Variants in CLMN observed in about 807,000 individuals in gnomAD.
CLMN encodes calmin (calponin-like, transmembrane).
A neutral mutation model predicts 92.7 loss-of-function variants in CLMN; 57 were observed. That is an observed-to-expected ratio of 0.61 (90% CI 0.50 to 0.77). The LOEUF is 0.77. Ranked by LOEUF, CLMN falls within the 30% of genes least tolerant of loss-of-function variation. The pLI is 0.00. For missense variants in CLMN, 1,158 were observed against 1,237.5 expected, an observed-to-expected ratio of 0.94 and a Z score of 0.96; for synonymous variants, 466 against 470.6, an observed-to-expected ratio of 0.99 and a Z score of 0.13.
At chr14:95,275,015 C>T (rs556493155) in intron 1 of CLMN, among the ~76,000 whole-genome samples, 6 of 148,522 alleles carry the variant, frequency 4.0e-5, no homozygotes, top group Non-Finnish European at 8.9e-5. Context: ...ATTCCTTCAA[C>T]AAATATTTAC....
At chr14:95,234,908 C>G (rs1898002184) in intron 1 of CLMN, among the ~76,000 whole-genome samples, 1 of 152,166 alleles carries the variant, frequency 6.6e-6, no homozygotes, top group Non-Finnish European at 1.5e-5. Flanking sequence ...CTTTTTGTCT[C>G]TATGTCCACA....
chr14:95,206,473 T>G (rs74078630), intron 8 of CLMN, among the ~76,000 whole-genome samples: 3,003 of 152,288 alleles, frequency 0.02, 113 homozygotes, highest in African/African-American at 0.068. Flanking sequence ...TCTTTTCAAA[T>G]GCATATGGCA....
intron 6 of CLMN, 64 bp downstream of exon 6, chr14:95,213,155 C>T: frequency 6.5e-7 from 1 of 1,534,480 alleles, no homozygotes; most frequent in Non-Finnish European, 8.9e-7. Flanking sequence ...TACTAATTCT[C>T]CTTTCCTCTG....
chr14:95,279,425 G>T (rs917218623), intron 1 of CLMN, among the ~76,000 whole-genome samples: 3 of 152,166 alleles, frequency 2.0e-5, no homozygotes, highest in African/African-American at 7.2e-5. Context: ...TGGCTATGCT[G>T]GAAAGAGTTA....
intron 1 of CLMN, among the ~76,000 whole-genome samples, chr14:95,242,038 C>T (rs143371173): frequency 2.4e-4 from 36 of 152,082 alleles, no homozygotes; most frequent in Admixed American, 5.9e-4. Context: ...ATCATTGTTC[C>T]TGGGCAGAAA....
chr14:95,294,511 G>T lies in CLMN; in HGVS notation c.82+25200C>A, dbSNP rs1241877146. 6.6e-6 allele frequency among the ~76,000 whole-genome samples: 1 copy of T among 152,146 alleles called. No individual in the cohort carries two copies. Among genetic ancestry groups the T allele is most frequent in the African/African-American group, 2.4e-5 (1 of 41,432 alleles). The stretch of plus-strand genomic sequence containing the variant: ...ACAGAAAGGCCCTGGAGACAGACCT[G>T]CATCCACATTCCGGCTCCCCCTCCC... On this transcript the variant is annotated intron_variant, in intron 1 of 12. Coordinates refer to ENST00000298912, the MANE Select transcript of CLMN (RefSeq NM_024734.4). The surrounding 1 kb of genome is among the most constrained non-coding windows in gnomAD (Gnocchi z 4.2).
In CLMN at chr14:95,256,573, C is replaced by T. The variant is rs1899007458; in HGVS notation, c.83-26440G>A. Among the ~76,000 whole-genome samples, 1 of 152,206 alleles carries T rather than the reference C, an allele frequency of 6.6e-6. No homozygotes were observed. The highest frequency in any genetic ancestry group is 1.5e-5 in the Non-Finnish European group (1 of 68,040). Reference sequence around the variant, plus strand: ...ACTGCCACCAGCTTGCTGAGTGTGGCTCTGCACAACCGCCTCGTCAATACC... The same window carrying T: ...ACTGCCACCAGCTTGCTGAGTGTGGTTCTGCACAACCGCCTCGTCAATACC... On this transcript the variant is annotated intron_variant, in intron 1 of 12. Coordinates refer to ENST00000298912, the MANE Select transcript of CLMN (RefSeq NM_024734.4). This position sits in a 1 kb window ranked among gnomAD's most constrained non-coding sequence, Gnocchi z 4.9.
chr14:95,319,824 G>A lies in CLMN; in HGVS notation c.-32C>T, dbSNP rs1367975275. 2.3e-6 allele frequency: 3 copies of A among 1,297,772 alleles called. No homozygotes were observed. The highest frequency in any genetic ancestry group is 3.0e-6 in the Non-Finnish European group (3 of 1,009,170). The allele number at this position is 1,297,772 out of a possible 1,614,324, so 80.4% of individuals were successfully genotyped here. Reference sequence around the variant, plus strand: ...CGGGCGGGAGAGCCCGGGCCAGCGCGGCGCGGGCGGCGGGCGCGGAGAGCC... The same window carrying A: ...CGGGCGGGAGAGCCCGGGCCAGCGCAGCGCGGGCGGCGGGCGCGGAGAGCC... On this transcript the variant is annotated 5_prime_UTR_variant, in exon 1 of 13. Coordinates refer to ENST00000298912, the MANE Select transcript of CLMN (RefSeq NM_024734.4).
At position 95,319,842 on chromosome 14, in the gene CLMN, G is replaced by A. The variant is rs374167532; in HGVS notation, c.-50C>T. The A allele has an allele frequency of 1.1e-5, 13 of 1,156,570 alleles. No homozygotes were observed. The African/African-American group carries it at 2.0e-4, about 18-fold the overall frequency. The allele number at this position is 1,156,570 out of a possible 1,614,324, so 71.6% of individuals were successfully genotyped here. A position where few individuals can be genotyped will look rare whatever the true frequency, so the allele number is the denominator to read the frequency against. On this transcript the variant is annotated 5_prime_UTR_variant, in exon 1 of 13. Coordinates refer to ENST00000298912, the MANE Select transcript of CLMN (RefSeq NM_024734.4). ...CCAGCGCGGCGCGGGCGGCGGGCGC[G>A]GAGAGCCTGGCTGGCGGGCGCGCGA...
chr14:95,245,689 T>TG (rs1898530950), intron 1 of CLMN, among the ~76,000 whole-genome samples: 1 of 100,142 alleles, frequency 1.0e-5, no homozygotes, highest in Admixed American at 1.0e-4. Flanking sequence ...GGTGGGTGGG[T>TG]GGGTGGATGG....
chr14:95,294,679 A>G lies in CLMN; in HGVS notation c.82+25032T>C, dbSNP rs1900734502. On this transcript the variant is annotated intron_variant, in intron 1 of 12. Coordinates refer to ENST00000298912, the MANE Select transcript of CLMN (RefSeq NM_024734.4). This position sits in a 1 kb window ranked among gnomAD's most constrained non-coding sequence, Gnocchi z 4.2. ...GTCTCCTTTGCACACCCCTCCTCCT[A>G]CTTCATCTTCCTTTCTCTCCCTGCC... is the stretch of plus-strand genomic sequence containing the variant. 6.6e-6 allele frequency among the ~76,000 whole-genome samples: 1 copy of G among 151,964 alleles called. No individual in the cohort carries two copies. Among genetic ancestry groups the G allele is most frequent in the South Asian group, 2.1e-4 (1 of 4,812 alleles).
intron 1 of CLMN, among the ~76,000 whole-genome samples, chr14:95,314,758 G>T (rs549782547): frequency 5.3e-5 from 8 of 152,178 alleles, no homozygotes; most frequent in African/African-American, 1.7e-4. Flanking sequence ...ACGGCCTTTT[G>T]CCTGTTGTAA....
At chr14:95,253,936 C>T (rs1898893978) in intron 1 of CLMN, among the ~76,000 whole-genome samples, 2 of 152,152 alleles carry the variant, frequency 1.3e-5, no homozygotes, top group African/African-American at 4.8e-5. Context: ...TTTTTAGGCC[C>T]AGGACCTGAC....
intron 1 of CLMN, among the ~76,000 whole-genome samples, chr14:95,238,032 G>A (rs1345090773): frequency 1.3e-5 from 2 of 152,158 alleles, no homozygotes; most frequent in South Asian, 2.1e-4. Context: ...AGGCGGCCCA[G>A]CCAACTGGCC....
At chr14:95,207,351 C>G (rs567493098) in intron 8 of CLMN, among the ~76,000 whole-genome samples, 1 of 152,236 alleles carries the variant, frequency 6.6e-6, no homozygotes, top group Non-Finnish European at 1.5e-5. Flanking sequence ...AACTCCTGGG[C>G]TCAAGCAATC....
intron 1 of CLMN, among the ~76,000 whole-genome samples, chr14:95,268,167 A>G (rs1899550775): frequency 6.6e-6 from 1 of 152,202 alleles, no homozygotes; most frequent in Non-Finnish European, 1.5e-5. Flanking sequence ...AGAAGAGAAA[A>G]ATTTGAAGCA....
chr14:95,222,242 G>T (rs1207405694), intron 3 of CLMN, among the ~76,000 whole-genome samples: 2 of 152,198 alleles, frequency 1.3e-5, no homozygotes, highest in African/African-American at 4.8e-5. Flanking sequence ...CCTCCCCAGT[G>T]GCGGCAGATG....
intron 1 of CLMN, among the ~76,000 whole-genome samples, chr14:95,300,422 A>T (rs1900997335): frequency 6.6e-6 from 1 of 152,212 alleles, no homozygotes; most frequent in Non-Finnish European, 1.5e-5. Flanking sequence ...CCATTGCTTC[A>T]CTGAATGGAA....
At chr14:95,219,008 T>C (rs189314124) in intron 4 of CLMN, among the ~76,000 whole-genome samples, 201 of 152,270 alleles carry the variant, frequency 1.3e-3, no homozygotes, top group African/African-American at 4.4e-3. Context: ...TCATCCCCCA[T>C]CTTCATGCCC....
Sources: allele counts gnomAD v4.1 joint callset (sites outside exome capture counted in the v4.1 genomes callset), GRCh38; gene constraint gnomAD v4.1.1; non-coding constraint Gnocchi (gnomAD v3.1); transcripts MANE v1.5; gene names NCBI Gene and HGNC (gene_info 2026-07-23, HGNC 2026-07-21).